Variants in SREBF2 observed in about 807,000 individuals in gnomAD.
The protein encoded by SREBF2 is sterol regulatory element binding transcription factor 2.
Under a neutral mutation model 113.1 loss-of-function variants are expected in SREBF2, and 55 were observed. The ratio of observed to expected loss-of-function variants is 0.49; its 90% CI spans 0.39 to 0.61. SREBF2 has a LOEUF of 0.61. SREBF2 is among the 20% of genes least tolerant of loss of function. SREBF2 has a pLI of 0.00. For synonymous variants in SREBF2, 593 were observed against 605.7 expected (o/e 0.98, Z 0.31); for missense variants, 1,349 against 1,487.4 (o/e 0.91, Z 1.53).
intron 1 of SREBF2, chr22:41,834,336 A>C (rs968806642): frequency 1.1e-5 from 1 of 89,862 alleles, no homozygotes; most frequent in East Asian, 2.2e-4. Context: ...GTATTATTTC[A>C]CTTCTTCCTC....
Position 41,903,015 on chromosome 22 carries a change from G to A in SREBF2, c.2953G>A (p.Ala985Thr). The change falls in exon 17 of 19, where the codon GCG (alanine) becomes ACG (threonine). Residue 985 changes from alanine (A) to threonine (T), a missense_variant. Physicochemically the swap from Ala to Thr is moderately conservative, Grantham distance 58. This residue lies in a region of SREBF2 where 650 missense variants were observed against 644.1 expected (regional missense o/e 1.01). Coordinates refer to ENST00000361204, the MANE Select transcript of SREBF2 (RefSeq NM_004599.4). ...TGACCTGCTACTGTCGCTACGGACAGCGCTCTGGCAAAAACAGGCCAGTGC... is the reference window on the plus strand; with the variant it reads ...TGACCTGCTACTGTCGCTACGGACAACGCTCTGGCAAAAACAGGCCAGTGC... ...TCDLLLSLRT[A>T]LWQKQASASQ... 1 of 1,611,476 alleles carries A rather than the reference G, an allele frequency of 6.2e-7. No individual in the cohort carries two copies. Among genetic ancestry groups the A allele is most frequent in the Non-Finnish European group, 8.5e-7 (1 of 1,179,200 alleles).
intron 11 of SREBF2, among the ~76,000 whole-genome samples, chr22:41,889,928 T>G (rs1005089091): frequency 1.2e-4 from 18 of 151,630 alleles, no homozygotes; most frequent in African/African-American, 4.4e-4. Context: ...AACCCAGGAG[T>G]CAGAGGTTGC....
rs1176437160 is a variant in SREBF2 at position 41,865,149 on chromosome 22, AC to A, written c.89-1681del. Among the ~76,000 whole-genome samples the A allele has an allele frequency of 1.3e-3, 34 of 26,630 alleles. No homozygotes were observed. The South Asian group carries it at 0.029, about 23-fold the overall frequency. 17.5% of individuals were successfully genotyped at this position (26,630 alleles called of 152,430 possible). A position where few individuals can be genotyped will look rare whatever the true frequency, so the allele number is the denominator to read the frequency against. On this transcript the variant is annotated intron_variant, in intron 1 of 18. Transcript: ENST00000361204. ...CAGGCCCCCACATCCCCCAAAAAAC[AC>A]ACACACACACACACACACAGCATCA...
intron 1 of SREBF2, among the ~76,000 whole-genome samples, chr22:41,850,665 C>A (rs140026179): frequency 2.3e-3 from 345 of 152,294 alleles, no homozygotes; most frequent in African/African-American, 7.9e-3. Context: ...ATTCAAATCT[C>A]AGTTCAGCCA....
intron 1 of SREBF2, among the ~76,000 whole-genome samples, chr22:41,855,969 C>G (rs1451399542): frequency 6.6e-6 from 1 of 151,820 alleles, no homozygotes; most frequent in Admixed American, 6.6e-5. Context: ...TTTGTCCAGG[C>G]TGGAATGCAG....
intron 9 of SREBF2, chr22:41,878,573 T>C: frequency 3.3e-6 from 3 of 896,536 alleles, no homozygotes; most frequent in Non-Finnish European, 4.8e-6. Flanking sequence ...GGAACTGATT[T>C]GGGGCTTTAT....
At position 41,880,824 on chromosome 22, in the gene SREBF2, A is replaced by T. The variant is rs748259468; in HGVS notation, c.1870A>T (p.Ile624Phe). 14 of 1,614,002 alleles carry T rather than the reference A, an allele frequency of 8.7e-6. No homozygotes were observed. In the South Asian group the frequency reaches 1.2e-4, roughly 14 times the overall value. The change falls in exon 10 of 19, where the codon ATC becomes TTC. Residue 624 changes from isoleucine (I) to phenylalanine (F), a missense_variant. Ile to Phe is a conservative substitution (Grantham distance 21). Around this residue, in one of 2 missense-constraint regions of SREBF2, gnomAD observed 699 missense variants for 843.3 expected, o/e 0.83. Transcript: ENST00000361204. ...DLACSLSWNV[I>F]RYSLQKLRLV... ...GGCCTGCAGCCTCTCCTGGAACGTGATCCGCTACAGCCTGCAGAAGCTACG... is the reference window on the plus strand; with the variant it reads ...GGCCTGCAGCCTCTCCTGGAACGTGTTCCGCTACAGCCTGCAGAAGCTACG...
intron 1 of SREBF2, among the ~76,000 whole-genome samples, chr22:41,840,833 CTG>C (rs1331240455): frequency 6.6e-6 from 1 of 152,182 alleles, no homozygotes; most frequent in Non-Finnish European, 1.5e-5. Flanking sequence ...CTCTGGAGAG[CTG>C]TGTCTGATAC....
chr22:41,885,078 C>T (rs1237026983), intron 11 of SREBF2, 67 bp downstream of exon 11: 1 of 1,582,280 alleles, frequency 6.3e-7, no homozygotes, highest in Admixed American at 1.8e-5. Flanking sequence ...AGTTAAGATG[C>T]AGAAGCAGTT....
chr22:41,873,559 T>C lies in SREBF2; in HGVS notation c.868-239T>C, dbSNP rs9623463. 1.8e-3 allele frequency: 1,000 copies of C among 554,070 alleles called. 8 individuals are homozygous for C. The highest frequency in any genetic ancestry group is 0.017 in the African/African-American group (905 of 53,114). The allele number at this position is 554,070 out of a possible 1,614,324, so 34.3% of individuals were successfully genotyped here. On this transcript the variant is annotated intron_variant, in intron 4 of 18. Coordinates refer to ENST00000361204, the MANE Select transcript of SREBF2 (RefSeq NM_004599.4). ...TCAAAACTTAAAACATATTTAGCCA[T>C]GTTAATCCTCTTGTGGTGTAGTTTA...
chr22:41,892,080 C>T (rs994145181), intron 11 of SREBF2, among the ~76,000 whole-genome samples: 25 of 152,142 alleles, frequency 1.6e-4, no homozygotes, highest in African/African-American at 3.4e-4. Flanking sequence ...ATCAGGGGCT[C>T]ATGCAGGGGT....
chr22:41,850,975 A>C (rs2076923484), intron 1 of SREBF2, among the ~76,000 whole-genome samples: 1 of 152,050 alleles, frequency 6.6e-6, no homozygotes. Flanking sequence ...TCCTGACCTC[A>C]AGTGATCCGC....
At chr22:41,851,199 TAAATA>T (rs1323377402) in intron 1 of SREBF2, among the ~76,000 whole-genome samples, 1 of 152,230 alleles carries the variant, frequency 6.6e-6, no homozygotes, top group African/African-American at 2.4e-5. Flanking sequence ...ATTTATTCTG[TAAATA>T]AAATATAAAT....
At position 41,900,663 on chromosome 22, in the gene SREBF2, A is replaced by G. The variant is rs2077458124; in HGVS notation, c.2907+165A>G. Among the ~76,000 whole-genome samples, 3 of 151,882 alleles carry G rather than the reference A, an allele frequency of 2.0e-5. No homozygotes were observed. The South Asian group carries it at 6.2e-4, about 31-fold the overall frequency. ...AGTTACGGCTTATTGGCCTAGGTGG[A>G]CTCCTTTTTCATCCCTTTTCAGCCT... On this transcript the variant is annotated intron_variant, in intron 16 of 18. Coordinates refer to ENST00000361204, the MANE Select transcript of SREBF2 (RefSeq NM_004599.4).
chr22:41,864,521 C>CGT (rs1013391330), intron 1 of SREBF2, among the ~76,000 whole-genome samples: 1 of 150,812 alleles, frequency 6.6e-6, no homozygotes, highest in African/African-American at 2.4e-5. Flanking sequence ...GGGGTTTCAC[C>CGT]GTGTTAGCCA....
chr22:41,864,261 T>TATATATATACACACAC (rs1204150898), intron 1 of SREBF2, among the ~76,000 whole-genome samples: 37 of 50,974 alleles, frequency 7.3e-4, no homozygotes, highest in Non-Finnish European at 1.1e-3. Flanking sequence ...TATATATATA[T>TATATATATACACACAC]ACACACACAC....
intron 11 of SREBF2, among the ~76,000 whole-genome samples, chr22:41,888,468 A>G (rs1398499358): frequency 7.3e-6 from 1 of 136,188 alleles, no homozygotes; most frequent in Non-Finnish European, 1.5e-5. Context: ...CTGCCTCCAG[A>G]TCTAGTCTGT....
chr22:41,885,902 G>A (rs970529806), intron 11 of SREBF2: 57 of 152,242 alleles, frequency 3.7e-4, no homozygotes, highest in African/African-American at 1.3e-3. Flanking sequence ...AAAGGGCGCA[G>A]GGAAGCCCAG....
At chr22:41,844,241 A>G (rs535379070) in intron 1 of SREBF2, among the ~76,000 whole-genome samples, 1 of 152,298 alleles carries the variant, frequency 6.6e-6, no homozygotes, top group Admixed American at 6.5e-5. Flanking sequence ...GCTAAGGTAC[A>G]AAAAAGGAAG....
Sources: gnomAD v4.1 joint callset for allele counts (sites outside exome capture counted in the v4.1 genomes callset) on GRCh38, gnomAD v4.1.1 for gene constraint, gnomAD v4.1.1 regional missense constraint, MANE v1.5 for transcripts, NCBI Gene and HGNC (gene_info 2026-07-23, HGNC 2026-07-21) for gene names.